THADA: variants seen among roughly 807,000 people sequenced by gnomAD.
THADA encodes the protein THADA armadillo repeat containing, also known as tRNA (32-2'-O)-methyltransferase regulator THADA.
Under a neutral mutation model 219.8 loss-of-function variants are expected in THADA, and 213 were observed. That is an observed-to-expected ratio of 0.97 (90% CI 0.87 to 1.09). The LOEUF (loss-of-function observed/expected upper bound fraction) is 1.09. Among genes scored for constraint, THADA ranks in the 50% least tolerant of loss-of-function variants. The probability of loss-of-function intolerance (pLI) is 0.00; values close to 1 mark genes in which losing one functional copy is unlikely to be tolerated. For synonymous variants in THADA, 1,018 were observed against 828.9 expected (o/e 1.23, Z -3.92); for missense variants, 2,956 against 2,311.3 (o/e 1.28, Z -5.72).
At chr2:43,531,347 G>A (rs1198536553) in intron 21 of THADA, among the ~76,000 whole-genome samples, 1 of 152,230 alleles carries the variant, frequency 6.6e-6, no homozygotes, top group Non-Finnish European at 1.5e-5. Flanking sequence ...ATAAGTGCGT[G>A]CCAGCTACCT....
chr2:43,431,297 G>A (rs968742222), intron 26 of THADA, among the ~76,000 whole-genome samples: 2 of 152,064 alleles, frequency 1.3e-5, no homozygotes, highest in South Asian at 2.1e-4. Context: ...ACATACACTC[G>A]TAATCCACAC....
Position 43,353,764 on chromosome 2 carries a change from T to C in THADA, c.4228-9527A>G, listed in dbSNP as rs140707073. Among the ~76,000 whole-genome samples the C allele has an allele frequency of 2.0e-4, 30 of 152,240 alleles. No individual in the cohort carries two copies. In the East Asian group the frequency reaches 5.6e-3, roughly 28 times the overall value. On this transcript the variant is annotated intron_variant, in intron 29 of 37. Coordinates refer to ENST00000405975, the MANE Select transcript of THADA (RefSeq NM_022065.5). ...TCTGCCTCCCAGGTTCAAGTGATTCTACTGCCTCAGCCTCCCAAGTAGCTG... is the reference window on the plus strand; with the variant it reads ...TCTGCCTCCCAGGTTCAAGTGATTCCACTGCCTCAGCCTCCCAAGTAGCTG...
At chr2:43,552,943 G>GA (rs1696921930) in intron 17 of THADA, among the ~76,000 whole-genome samples, 1 of 152,118 alleles carries the variant, frequency 6.6e-6, no homozygotes, top group Non-Finnish European at 1.5e-5. Context: ...TCTATAGACA[G>GA]AAAATAAACT....
rs1689995866 is a variant in THADA at position 43,508,586 on chromosome 2, T to G, written c.3507+62A>C. On this transcript the variant is annotated intron_variant, in intron 23 of 37. Transcript: ENST00000405975. The stretch of plus-strand genomic sequence containing the variant: ...ACGCTCACTCACACGTCAAACAGGT[T>G]AGGATACACTATCATCAAAAGACAA... 2.6e-6 allele frequency: 4 copies of G among 1,546,656 alleles called. No homozygotes were observed. The East Asian group carries it at 9.1e-5, about 35-fold the overall frequency.
chr2:43,524,087 T>G (rs1390085074), intron 22 of THADA, among the ~76,000 whole-genome samples: 1 of 152,208 alleles, frequency 6.6e-6, no homozygotes, highest in Non-Finnish European at 1.5e-5. Flanking sequence ...TCCAATCAAA[T>G]GCTTAGACAA....
At chr2:43,553,991 C>T (rs1475091463) in intron 17 of THADA, among the ~76,000 whole-genome samples, 1 of 152,148 alleles carries the variant, frequency 6.6e-6, no homozygotes, top group African/African-American at 2.4e-5. Flanking sequence ...GTGAGTTGTA[C>T]AAGTTCTTTA....
chr2:43,386,766 G>A (rs1165923053), intron 29 of THADA, among the ~76,000 whole-genome samples: 3 of 151,816 alleles, frequency 2.0e-5, no homozygotes, highest in East Asian at 1.9e-4. Flanking sequence ...TGCCAGTGGC[G>A]CGTGCCTGTA....
chr2:43,330,434 ATGCTGCCCACAGCCCTTGTGGAGGT>A (rs1679833785), intron 30 of THADA, among the ~76,000 whole-genome samples: 1 of 152,164 alleles, frequency 6.6e-6, no homozygotes, highest in Admixed American at 6.5e-5. Context: ...AGACCAGCTC[ATGCTGCCCACAGCCCTTGTGGAGGT>A]GGCCGAAACC....
intron 25 of THADA, among the ~76,000 whole-genome samples, chr2:43,486,858 C>T (rs1686979863): frequency 1.3e-5 from 2 of 152,178 alleles, no homozygotes; most frequent in African/African-American, 4.8e-5. Flanking sequence ...AAGAACCAAA[C>T]ACCATGAAAG....
At chr2:43,420,288 C>T (rs1007949087) in intron 28 of THADA, among the ~76,000 whole-genome samples, 1 of 152,188 alleles carries the variant, frequency 6.6e-6, no homozygotes, top group African/African-American at 2.4e-5. Flanking sequence ...GTATCAGGTT[C>T]ACAAGCATGT....
At chr2:43,353,200 G>T (rs1462646987) in intron 29 of THADA, among the ~76,000 whole-genome samples, 1 of 152,142 alleles carries the variant, frequency 6.6e-6, no homozygotes, top group Non-Finnish European at 1.5e-5. Flanking sequence ...CCCAGAAGCA[G>T]GATTTGCTGG....
intron 20 of THADA, among the ~76,000 whole-genome samples, chr2:43,542,142 C>T: frequency 6.6e-6 from 1 of 151,980 alleles, no homozygotes; most frequent in East Asian, 1.9e-4. Context: ...CCAAGATGAA[C>T]TATTATATTA....
intron 1 of THADA, chr2:43,592,989 C>G (rs1701742125): frequency 1.3e-5 from 2 of 152,048 alleles, no homozygotes; most frequent in Non-Finnish European, 2.9e-5. Context: ...GCTAAACAAC[C>G]CAACTCAGAG....
intron 14 of THADA, among the ~76,000 whole-genome samples, chr2:43,569,795 C>T (rs764675600): frequency 7.9e-5 from 12 of 152,108 alleles, no homozygotes; most frequent in African/African-American, 2.2e-4. Flanking sequence ...GGGGGAAGAA[C>T]AGTGAAAAGC....
intron 14 of THADA, among the ~76,000 whole-genome samples, chr2:43,567,446 A>G (rs1234573934): frequency 6.6e-6 from 1 of 152,050 alleles, no homozygotes; most frequent in African/African-American, 2.4e-5. Flanking sequence ...CATGTCCAAC[A>G]TGAAACCCTG....
chr2:43,587,311 A>ATT (rs1701128153), intron 4 of THADA, among the ~76,000 whole-genome samples: 3 of 152,222 alleles, frequency 2.0e-5, no homozygotes, highest in Admixed American at 2.0e-4. Context: ...TTAAAGTACT[A>ATT]GTTGAAGTGT....
intron 22 of THADA, among the ~76,000 whole-genome samples, chr2:43,512,780 G>C (rs1690662360): frequency 6.6e-6 from 1 of 152,216 alleles, no homozygotes; most frequent in Non-Finnish European, 1.5e-5. Context: ...GGGATTACAG[G>C]CGTGAGCCAC....
chr2:43,443,258 G>A (rs1681073787), intron 26 of THADA, among the ~76,000 whole-genome samples: 1 of 152,214 alleles, frequency 6.6e-6, no homozygotes. Context: ...GAGTCCTTAA[G>A]ACAGGCAAGG....
At chr2:43,266,900 A>T (rs573651216) in intron 36 of THADA, among the ~76,000 whole-genome samples, 1 of 152,160 alleles carries the variant, frequency 6.6e-6, no homozygotes, top group African/African-American at 2.4e-5. Context: ...TCCCCTCTCC[A>T]CTTCCCCATT....
Sources: allele counts gnomAD v4.1 joint callset (sites outside exome capture counted in the v4.1 genomes callset), GRCh38; gene constraint gnomAD v4.1.1; transcripts MANE v1.5; gene names NCBI Gene and HGNC (gene_info 2026-07-23, HGNC 2026-07-21).